Variants in EXOC6B observed in about 807,000 individuals in gnomAD.
EXOC6B encodes the protein exocyst complex component 6B.
Under a neutral mutation model 113.5 loss-of-function variants are expected in EXOC6B, and 54 were observed. The ratio of observed to expected loss-of-function variants is 0.48; its 90% CI spans 0.38 to 0.60. The LOEUF (loss-of-function observed/expected upper bound fraction) is 0.60. Among genes scored for constraint, EXOC6B ranks in the 20% least tolerant of loss-of-function variants. The pLI, the probability that EXOC6B is intolerant of heterozygous loss-of-function variation, is 0.00. For missense variants in EXOC6B, 797 were observed against 977.5 expected (o/e 0.82, Z 2.46); for synonymous variants, 357 against 339.0 (o/e 1.05, Z -0.58).
rs927128356 is a variant in EXOC6B, at chr2:72,228,879, C to G, written c.2197-44692G>C. Among the ~76,000 whole-genome samples, 6 of 152,288 alleles carry G rather than the reference C, an allele frequency of 3.9e-5. No individual in the cohort carries two copies. The South Asian group carries it at 1.0e-3, about 26-fold the overall frequency. On this transcript the variant is annotated intron_variant, in intron 20 of 21. Transcript: ENST00000272427. ...ATGGTTGAACCAGTTTACAGTCCCA[C>G]CAACAGTGTAAAAGTGTTCCTATTT... is the stretch of plus-strand genomic sequence containing the variant.
intron 1 of EXOC6B, among the ~76,000 whole-genome samples, chr2:72,794,263 CAT>C (rs1684829495): frequency 6.6e-6 from 1 of 152,186 alleles, no homozygotes; most frequent in Non-Finnish European, 1.5e-5. Context: ...GTATGTGTCA[CAT>C]GAGTCTCCAA....
In EXOC6B at chr2:72,431,485, T is replaced by TTATCTATCTATCTATCTATC. The variant is rs3062440; in HGVS notation, c.1980+33655_1980+33674dup. On this transcript the variant is annotated intron_variant, in intron 18 of 21. Coordinates refer to ENST00000272427, the MANE Select transcript of EXOC6B (RefSeq NM_015189.3). ...TGCCACCATGACTGGCTTGATTTCT[T>TTATCTATCTATCTATCTATC]TATCTATCTATCTATCTATCTATCT... is the stretch of plus-strand genomic sequence containing the variant. 1.7e-3 allele frequency among the ~76,000 whole-genome samples: 226 copies of TTATCTATCTATCTATCTATC among 133,884 alleles called. 1 individual carries two copies. Among genetic ancestry groups the TTATCTATCTATCTATCTATC allele is most frequent in the African/African-American group, 2.1e-3 (71 of 34,554 alleles). The allele number at this position is 133,884 out of a possible 152,430, so 87.8% of individuals were successfully genotyped here.
chr2:72,761,660 A>G (rs893946944), intron 1 of EXOC6B, among the ~76,000 whole-genome samples: 1 of 152,216 alleles, frequency 6.6e-6, no homozygotes, highest in African/African-American at 2.4e-5. Context: ...AAGATTGGCT[A>G]TGTTAGGTGG....
chr2:72,559,388 G>T, intron 8 of EXOC6B, 65 bp downstream of exon 8: 1 of 1,179,048 alleles, frequency 8.5e-7, no homozygotes, highest in Non-Finnish European at 1.2e-6. Flanking sequence ...ACTACCAAAA[G>T]TTGAGAGAGC....
chr2:72,773,379 C>G (rs1683514378), intron 1 of EXOC6B, among the ~76,000 whole-genome samples: 1 of 150,420 alleles, frequency 6.6e-6, no homozygotes, highest in Admixed American at 6.6e-5. Flanking sequence ...ATCCACCTGC[C>G]TCAGCCTCCC....
intron 8 of EXOC6B, among the ~76,000 whole-genome samples, chr2:72,528,363 A>G (rs991304537): frequency 6.6e-6 from 1 of 151,984 alleles, no homozygotes; most frequent in African/African-American, 2.4e-5. Flanking sequence ...TTGTGAATCT[A>G]TTCCTGGGTT....
intron 20 of EXOC6B, among the ~76,000 whole-genome samples, chr2:72,296,258 A>G (rs568666597): frequency 6.6e-6 from 1 of 152,302 alleles, no homozygotes; most frequent in East Asian, 1.9e-4. Context: ...TCGCTGAAAT[A>G]GTACCTTGAT....
At chr2:72,444,158 C>T (rs1286025426) in intron 18 of EXOC6B, among the ~76,000 whole-genome samples, 1 of 152,218 alleles carries the variant, frequency 6.6e-6, no homozygotes, top group Non-Finnish European at 1.5e-5. Context: ...AACAAAGGGG[C>T]TACAGGCCCC....
chr2:72,445,482 T>C (rs758212247), intron 18 of EXOC6B, among the ~76,000 whole-genome samples: 1 of 152,078 alleles, frequency 6.6e-6, no homozygotes, highest in Non-Finnish European at 1.5e-5. Context: ...TTTTTCACAC[T>C]CCTGATAAAG....
chr2:72,295,244 A>AG (rs1686060247), intron 20 of EXOC6B, among the ~76,000 whole-genome samples: 1 of 151,940 alleles, frequency 6.6e-6, no homozygotes, highest in South Asian at 2.1e-4. Context: ...AAAAAAAAAA[A>AG]AAAAATACTC....
intron 17 of EXOC6B, 45 bp downstream of exon 17, chr2:72,480,571 T>C: frequency 1.3e-6 from 2 of 1,517,112 alleles, no homozygotes; most frequent in Non-Finnish European, 1.8e-6. Context: ...CGTCCCAGAC[T>C]GTGTACACCA....
chr2:72,700,755 G>A (rs1448723058), intron 6 of EXOC6B, among the ~76,000 whole-genome samples: 2 of 152,136 alleles, frequency 1.3e-5, no homozygotes, highest in Non-Finnish European at 2.9e-5. Flanking sequence ...CCTGAGGTCA[G>A]GCCTTGCCAA....
At position 72,648,223 on chromosome 2, in the gene EXOC6B, C is replaced by T. The variant is rs191106533; in HGVS notation, c.669+69880G>A. Among the ~76,000 whole-genome samples the T allele has an allele frequency of 1.7e-3, 259 of 152,282 alleles. 3 individuals are homozygous for T. Among genetic ancestry groups the T allele is most frequent in the African/African-American group, 6.0e-3 (250 of 41,552 alleles). On this transcript the variant is annotated intron_variant, in intron 6 of 21. Coordinates refer to ENST00000272427, the MANE Select transcript of EXOC6B (RefSeq NM_015189.3). ...ATCAGAGAAATGCAAATCAAAACCA[C>T]AATGAAATATTTTCTCACACCAGTT...
chr2:72,296,659 C>T (rs1207729952), intron 20 of EXOC6B, among the ~76,000 whole-genome samples: 1 of 152,094 alleles, frequency 6.6e-6, no homozygotes, highest in Non-Finnish European at 1.5e-5. Context: ...ATAACTAATT[C>T]TCTAGGTATT....
In EXOC6B at chr2:72,583,196, A is replaced by G. The variant is rs185347488; in HGVS notation, c.670-7528T>C. Among the ~76,000 whole-genome samples the G allele has an allele frequency of 1.4e-3, 217 of 152,312 alleles. 1 individual carries two copies. Among genetic ancestry groups the G allele is most frequent in the Non-Finnish European group, 2.6e-3 (175 of 68,022 alleles). ...AAAATGAGCAAAGTCTTCAAGAACT[A>G]TGAGATTATGTAAAACAACCAAACC... On this transcript the variant is annotated intron_variant, in intron 6 of 21. Coordinates refer to ENST00000272427, the MANE Select transcript of EXOC6B (RefSeq NM_015189.3).
chr2:72,450,956 C>G (rs748652728), intron 18 of EXOC6B, among the ~76,000 whole-genome samples: 1 of 152,104 alleles, frequency 6.6e-6, no homozygotes, highest in Non-Finnish European at 1.5e-5. Flanking sequence ...GGAAGGATCC[C>G]CATGGACAAC....
intron 19 of EXOC6B, 116 bp downstream of exon 19, chr2:72,379,613 A>G: frequency 1.1e-6 from 1 of 940,740 alleles, no homozygotes; most frequent in East Asian, 2.8e-5. Context: ...TCTGTTATCT[A>G]GGTATTCTTT....
rs528684202 is a variant in EXOC6B, at chr2:72,709,624, G to A, written c.669+8479C>T. Reference sequence around the variant, plus strand: ...TGAGAAACACAATCACCAGGCTCATGAAATTATTTGAAGAGACTATAGAAA... The same window carrying A: ...TGAGAAACACAATCACCAGGCTCATAAAATTATTTGAAGAGACTATAGAAA... On this transcript the variant is annotated intron_variant, in intron 6 of 21. Coordinates refer to ENST00000272427, the MANE Select transcript of EXOC6B (RefSeq NM_015189.3). Among the ~76,000 whole-genome samples, 15 of 152,240 alleles carry A rather than the reference G, an allele frequency of 9.9e-5. No individual in the cohort carries two copies. In the South Asian group the frequency reaches 3.1e-3, roughly 32 times the overall value.
At chr2:72,778,691 A>C (rs76366622) in intron 1 of EXOC6B, among the ~76,000 whole-genome samples, 5,725 of 152,234 alleles carry the variant, frequency 0.038, 334 homozygotes, top group African/African-American at 0.13. Flanking sequence ...GAAGGACTAC[A>C]AATCATGACT....
Sources: allele counts gnomAD v4.1 joint callset (sites outside exome capture counted in the v4.1 genomes callset), GRCh38; gene constraint gnomAD v4.1.1; transcripts MANE v1.5; gene names NCBI Gene and HGNC (gene_info 2026-07-23, HGNC 2026-07-21).